The following GBE1 variants were observed in gnomAD, a reference collection of about 807,000 sequenced individuals.
The protein encoded by GBE1 is 1,4-alpha-glucan branching enzyme 1, also known as 1,4-alpha-glucan-branching enzyme.
GBE1 carries 70 observed loss-of-function variants against 88.8 expected under a neutral mutation model. The ratio of observed to expected loss-of-function variants is 0.79; its 90% CI spans 0.65 to 0.96. The LOEUF (loss-of-function observed/expected upper bound fraction) is 0.96. Ranked by LOEUF, GBE1 falls within the 40% of genes least tolerant of loss-of-function variation. The probability of loss-of-function intolerance (pLI) is 0.00; values close to 1 mark genes in which losing one functional copy is unlikely to be tolerated. For synonymous variants in GBE1, 284 were observed against 300.1 expected (o/e 0.95, Z 0.56); for missense variants, 872 against 871.0 (o/e 1.00, Z -0.01).
chr3:81,631,851 T>A (rs1038722914), intron 7 of GBE1, among the ~76,000 whole-genome samples: 3 of 152,126 alleles, frequency 2.0e-5, no homozygotes, highest in East Asian at 1.9e-4. Flanking sequence ...ATGTGCAGAA[T>A]GTGCAGGTTT....
chr3:81,715,029 G>C (rs1288292737), intron 1 of GBE1, among the ~76,000 whole-genome samples: 1 of 152,110 alleles, frequency 6.6e-6, no homozygotes, highest in Non-Finnish European at 1.5e-5. Context: ...AACATTTATG[G>C]TCTGAGTGGA....
At chr3:81,562,086 T>C (rs1051968475) in intron 12 of GBE1, among the ~76,000 whole-genome samples, 8 of 152,082 alleles carry the variant, frequency 5.3e-5, no homozygotes, top group Non-Finnish European at 8.8e-5. Flanking sequence ...CCTCTCTGGA[T>C]AGTGAGCTCC....
At chr3:81,643,052 T>C in intron 6 of GBE1, 62 bp from the exon 7 acceptor site, 1 of 1,104,762 alleles carries the variant, frequency 9.1e-7, no homozygotes, top group African/African-American at 1.6e-5. Context: ...CAGCCGATTG[T>C]GCAGCAATTG....
At chr3:81,750,617 G>GTGTATATATATATACA (rs1706503662) in intron 1 of GBE1, among the ~76,000 whole-genome samples, 1 of 42,136 alleles carries the variant, frequency 2.4e-5, no homozygotes, top group Non-Finnish European at 3.9e-5. Context: ...ATATATATAT[G>GTGTATATATATATACA]TATATATATA....
At chr3:81,571,014 C>T (rs941237810) in intron 12 of GBE1, among the ~76,000 whole-genome samples, 1 of 152,096 alleles carries the variant, frequency 6.6e-6, no homozygotes, top group Non-Finnish European at 1.5e-5. Context: ...AGTATACACT[C>T]AGGATCTAAA....
intron 7 of GBE1, among the ~76,000 whole-genome samples, chr3:81,639,506 G>A (rs1040595789): frequency 1.3e-5 from 2 of 151,766 alleles, no homozygotes; most frequent in East Asian, 3.9e-4. Context: ...ATTACTTAAC[G>A]CCCCTTCGAA....
chr3:81,677,342 C>A (rs1461967387), intron 2 of GBE1, among the ~76,000 whole-genome samples: 6 of 152,106 alleles, frequency 3.9e-5, no homozygotes, highest in Non-Finnish European at 7.4e-5. Flanking sequence ...TCAGTACTAG[C>A]CCATATGGCA....
intron 14 of GBE1, among the ~76,000 whole-genome samples, chr3:81,520,895 A>T (rs201848487): frequency 2.6e-5 from 4 of 151,590 alleles, no homozygotes; most frequent in South Asian, 4.1e-4. Context: ...ATTCTACTGC[A>T]GAAACAATTA....
Position 81,514,224 on chromosome 3 carries a change from A to G in GBE1, c.1935-14997T>C, listed in dbSNP as rs532643401. Among the ~76,000 whole-genome samples, 5 of 89,082 alleles carry G rather than the reference A, an allele frequency of 5.6e-5. No homozygotes were observed. In the East Asian group the frequency reaches 2.9e-3, roughly 53 times the overall value. The allele number at this position is 89,082 out of a possible 152,430, so 58.4% of individuals were successfully genotyped here. ...CTCTAAATAATAAAGAACACATGAG[A>G]AAAAAAAACCCAGTAATGTTTATAA... On this transcript the variant is annotated intron_variant, in intron 14 of 15. Coordinates refer to ENST00000429644, the MANE Select transcript of GBE1 (RefSeq NM_000158.4).
chr3:81,558,991 G>C (rs1255730077), intron 12 of GBE1, among the ~76,000 whole-genome samples: 1 of 152,050 alleles, frequency 6.6e-6, no homozygotes, highest in African/African-American at 2.4e-5. Context: ...GCATATACTG[G>C]CAAGAGAAGG....
intron 2 of GBE1, among the ~76,000 whole-genome samples, chr3:81,690,260 G>GT (rs1415085861): frequency 6.6e-6 from 1 of 152,168 alleles, no homozygotes; most frequent in East Asian, 1.9e-4. Context: ...AAAGTCATAT[G>GT]TTCATCCCCT....
intron 1 of GBE1, among the ~76,000 whole-genome samples, chr3:81,726,502 T>TC (rs1706114075): frequency 1.3e-5 from 2 of 152,130 alleles, no homozygotes; most frequent in South Asian, 4.1e-4. Context: ...GAAAAAAATT[T>TC]AAGGTGAAAA....
Position 81,613,921 on chromosome 3 carries a change from T to TTC in GBE1, c.993-19900_993-19899dup, listed in dbSNP as rs562186497. Among the ~76,000 whole-genome samples the TTC allele has an allele frequency of 2.1e-3, 311 of 150,914 alleles. 1 individual carries two copies. Among genetic ancestry groups the TTC allele is most frequent in the Non-Finnish European group, 3.6e-3 (246 of 67,862 alleles). Reference sequence around the variant, plus strand: ...CTTTGTTACAATAAAACTAAACGTGTTCACACACACACACCAAAAAAAAAA... The same window carrying TTC: ...CTTTGTTACAATAAAACTAAACGTGTTCTCACACACACACACCAAAAAAAAAA... On this transcript the variant is annotated intron_variant, in intron 7 of 15. Coordinates refer to ENST00000429644, the MANE Select transcript of GBE1 (RefSeq NM_000158.4).
In GBE1 at chr3:81,618,091, C is replaced by A. The variant is rs1282717556; in HGVS notation, c.993-24068G>T. ...AGAAGGAAACTTTATTGTATTTAGC[C>A]GTACTTTTACTCTTTCCATTTTTTC... On this transcript the variant is annotated intron_variant, in intron 7 of 15. Transcript: ENST00000429644. Among the ~76,000 whole-genome samples the A allele has an allele frequency of 5.3e-5, 8 of 151,938 alleles. No homozygotes were observed. The East Asian group carries it at 1.5e-3, about 29-fold the overall frequency.
chr3:81,500,688 T>C (rs1475432122), intron 14 of GBE1, among the ~76,000 whole-genome samples: 2 of 152,222 alleles, frequency 1.3e-5, no homozygotes, highest in African/African-American at 2.4e-5. Flanking sequence ...TTATTGTAAG[T>C]TCTCACTGAG....
At chr3:81,707,591 A>T (rs79871310) in intron 1 of GBE1, among the ~76,000 whole-genome samples, 1 of 152,008 alleles carries the variant, frequency 6.6e-6, no homozygotes, top group East Asian at 1.9e-4. Flanking sequence ...CTCAACTGAC[A>T]AAGTAAAAAT....
chr3:81,731,618 G>A (rs1207891347), intron 1 of GBE1, among the ~76,000 whole-genome samples: 1 of 152,080 alleles, frequency 6.6e-6, no homozygotes, highest in Non-Finnish European at 1.5e-5. Context: ...CTGGTGGAAG[G>A]CGACTGGATC....
intron 2 of GBE1, among the ~76,000 whole-genome samples, chr3:81,701,296 G>A (rs1007869022): frequency 3.9e-5 from 6 of 152,010 alleles, no homozygotes; most frequent in African/African-American, 1.2e-4. Context: ...ACGACTGGAC[G>A]AAAAAGAAAT....
At chr3:81,679,222 G>A (rs1705304256) in intron 2 of GBE1, among the ~76,000 whole-genome samples, 1 of 152,084 alleles carries the variant, frequency 6.6e-6, no homozygotes, top group East Asian at 1.9e-4. Flanking sequence ...CTCTTTTCTT[G>A]CTATCAATTA....
Sources: gnomAD v4.1 joint callset for allele counts (sites outside exome capture counted in the v4.1 genomes callset) on GRCh38, gnomAD v4.1.1 for gene constraint, MANE v1.5 for transcripts, NCBI Gene and HGNC (gene_info 2026-07-23, HGNC 2026-07-21) for gene names.